Variants in MGMT observed in about 807,000 individuals in gnomAD.
MGMT encodes O-6-methylguanine-DNA methyltransferase, also known as methylated-DNA--protein-cysteine methyltransferase.
MGMT carries 14 observed loss-of-function variants against 15.9 expected under a neutral mutation model. That is an observed-to-expected ratio of 0.88 (90% CI 0.58 to 1.37). MGMT has a LOEUF of 1.37. MGMT is among the 40% of genes most tolerant of loss of function. MGMT has a pLI of 0.00. For synonymous variants in MGMT, 130 were observed against 118.2 expected (o/e 1.10, Z -0.65); for missense variants, 282 against 268.1 (o/e 1.05, Z -0.36).
chr10:129,634,308 A>G (rs1315108571), intron 2 of MGMT, among the ~76,000 whole-genome samples: 1 of 152,140 alleles, frequency 6.6e-6, no homozygotes, highest in South Asian at 2.1e-4. Flanking sequence ...TTTTATTGTG[A>G]TGCATCTTGG....
In MGMT at chr10:129,760,564, C is replaced by T. The variant is rs138721312; in HGVS notation, c.414+1223C>T. Among the ~76,000 whole-genome samples, 155 of 152,280 alleles carry T rather than the reference C, an allele frequency of 1.0e-3. No homozygotes were observed. The Middle Eastern group carries it at 0.014, about 13-fold the overall frequency. ...TCCCTGCTCACAGGGGAGAGGCCGG[C>T]GTGTTCATACCACAGCCTGCTGCTC... On this transcript the variant is annotated intron_variant, in intron 4 of 4. Coordinates refer to ENST00000651593, the MANE Select transcript of MGMT (RefSeq NM_002412.5).
At chr10:129,716,383 G>A (rs1453270690) in intron 3 of MGMT, among the ~76,000 whole-genome samples, 3 of 152,200 alleles carry the variant, frequency 2.0e-5, no homozygotes, top group Non-Finnish European at 4.4e-5. Context: ...GTGTAAGAAA[G>A]GGGAATTGTC....
At chr10:129,519,325 T>C (rs1845778594) in intron 1 of MGMT, among the ~76,000 whole-genome samples, 1 of 152,220 alleles carries the variant, frequency 6.6e-6, no homozygotes, top group Admixed American at 6.5e-5. Flanking sequence ...AGGATTAGAC[T>C]GAATTATTGT....
intron 3 of MGMT, among the ~76,000 whole-genome samples, chr10:129,753,144 A>C (rs546391212): frequency 3.9e-5 from 6 of 152,268 alleles, no homozygotes; most frequent in African/African-American, 1.4e-4. Context: ...AGCACTTCAA[A>C]AGTGCTGTTT....
intron 1 of MGMT, among the ~76,000 whole-genome samples, chr10:129,469,383 C>A (rs1457922691): frequency 6.6e-6 from 1 of 152,166 alleles, no homozygotes; most frequent in Non-Finnish European, 1.5e-5. Flanking sequence ...TCAGTATATT[C>A]TCTTTGATAG....
intron 1 of MGMT, 91 bp from the exon 2 acceptor site, chr10:129,536,150 G>A: frequency 7.3e-7 from 1 of 1,366,518 alleles, no homozygotes; most frequent in South Asian, 1.3e-5. Flanking sequence ...AATATATTTT[G>A]TGTCTTAAAT....
At chr10:129,729,417 C>T (rs550827453) in intron 3 of MGMT, among the ~76,000 whole-genome samples, 24 of 152,292 alleles carry the variant, frequency 1.6e-4, no homozygotes, top group Non-Finnish European at 1.6e-4. Flanking sequence ...CCGGCACCTG[C>T]GTGTCCCTGT....
At position 129,659,598 on chromosome 10, in the gene MGMT, C is replaced by T. The variant is rs1847573007; in HGVS notation, c.126-48297C>T. On this transcript the variant is annotated intron_variant, in intron 2 of 4. Coordinates refer to ENST00000651593, the MANE Select transcript of MGMT (RefSeq NM_002412.5). This position sits in a 1 kb window ranked among gnomAD's most constrained non-coding sequence, Gnocchi z 4.1. Reference sequence around the variant, plus strand: ...ATTATTATTTAATGATGAGTTAGTGCAAATTGAGGGGTGAGGAAGTAGCAT... The same window carrying T: ...ATTATTATTTAATGATGAGTTAGTGTAAATTGAGGGGTGAGGAAGTAGCAT... Among the ~76,000 whole-genome samples the T allele has an allele frequency of 6.6e-6, 1 of 152,010 alleles. No individual in the cohort carries two copies. The highest frequency in any genetic ancestry group is 1.5e-5 in the Non-Finnish European group (1 of 68,020).
chr10:129,663,316 ACT>A (rs1415713618), intron 2 of MGMT, among the ~76,000 whole-genome samples: 7 of 152,138 alleles, frequency 4.6e-5, no homozygotes, highest in African/African-American at 1.4e-4. Flanking sequence ...TAAAATAATA[ACT>A]CTGTGTATCA....
rs145605929 is a variant in MGMT at position 129,585,150 on chromosome 10, T to C, written c.125+48773T>C. ...TCACCAACACTTTCCATGTTGTCTT[T>C]TTGATTTTAGCCATCCTAAAGGGCG... On this transcript the variant is annotated intron_variant, in intron 2 of 4. Coordinates refer to ENST00000651593, the MANE Select transcript of MGMT (RefSeq NM_002412.5). Among the ~76,000 whole-genome samples the C allele has an allele frequency of 2.2e-4, 33 of 152,308 alleles. No individual in the cohort carries two copies. The East Asian group carries it at 6.4e-3, about 29-fold the overall frequency.
intron 2 of MGMT, among the ~76,000 whole-genome samples, chr10:129,570,286 G>A (rs1388250417): frequency 6.6e-6 from 1 of 152,248 alleles, no homozygotes; most frequent in Admixed American, 6.5e-5. Context: ...GAAATCCTGG[G>A]CTTTTGTTGG....
chr10:129,476,389 G>A (rs1229610722), intron 1 of MGMT, among the ~76,000 whole-genome samples: 1 of 152,086 alleles, frequency 6.6e-6, no homozygotes, highest in Non-Finnish European at 1.5e-5. Flanking sequence ...GCCTTCTTTG[G>A]GCCTGAGACG....
intron 2 of MGMT, among the ~76,000 whole-genome samples, chr10:129,560,954 A>AGTGTGTGTGTGTGTGTGTGTGTGTGT (rs57984603): frequency 1.5e-5 from 2 of 133,220 alleles, no homozygotes; most frequent in East Asian, 2.3e-4. Context: ...AGTAAAGAGC[A>AGTGTGTGTGTGTGTGTGTGTGTGTGT]GTGTGTGTGT....
intron 2 of MGMT, among the ~76,000 whole-genome samples, chr10:129,567,255 T>C (rs1236950770): frequency 6.6e-6 from 1 of 152,080 alleles, no homozygotes; most frequent in Non-Finnish European, 1.5e-5. Context: ...GGAAAGTAGT[T>C]CTCAGCTCTA....
chr10:129,541,610 A>G (rs1477047617), intron 2 of MGMT, among the ~76,000 whole-genome samples: 1 of 152,200 alleles, frequency 6.6e-6, no homozygotes, highest in Non-Finnish European at 1.5e-5. Context: ...GGACTTGTAG[A>G]TCTTGGAAGC....
chr10:129,588,178 A>G (rs999387025), intron 2 of MGMT, among the ~76,000 whole-genome samples: 4 of 152,168 alleles, frequency 2.6e-5, no homozygotes, highest in African/African-American at 9.7e-5. Flanking sequence ...GTGCAAGGAA[A>G]TGAATTCTGT....
At chr10:129,752,040 T>C (rs1848755861) in intron 3 of MGMT, among the ~76,000 whole-genome samples, 1 of 152,016 alleles carries the variant, frequency 6.6e-6, no homozygotes. Flanking sequence ...TAATATTTTT[T>C]ATTTGTGTAT....
At chr10:129,668,491 AT>A (rs1037305445) in intron 2 of MGMT, among the ~76,000 whole-genome samples, 3 of 152,100 alleles carry the variant, frequency 2.0e-5, no homozygotes, top group Admixed American at 1.3e-4. Flanking sequence ...CTAAATGGAT[AT>A]TTATTCATGT....
intron 2 of MGMT, among the ~76,000 whole-genome samples, chr10:129,603,171 G>A (rs1049490214): frequency 5.3e-5 from 8 of 152,092 alleles, no homozygotes; most frequent in African/African-American, 1.4e-4. Flanking sequence ...CAAAATAATC[G>A]TTAATTTTTA....
Sources: allele counts gnomAD v4.1 joint callset (sites outside exome capture counted in the v4.1 genomes callset), GRCh38; gene constraint gnomAD v4.1.1; non-coding constraint Gnocchi (gnomAD v3.1); transcripts MANE v1.5; gene names NCBI Gene and HGNC (gene_info 2026-07-23, HGNC 2026-07-21).